Variants in CAMTA1 observed in about 807,000 individuals in gnomAD.
CAMTA1 encodes the protein calmodulin binding transcription activator 1, also known as calmodulin-binding transcription activator 1.
In CAMTA1, 27 loss-of-function variants were observed where a neutral mutation model predicts 170.9. That is an observed-to-expected ratio of 0.16 (90% confidence interval 0.12 to 0.22). CAMTA1 has a LOEUF of 0.22. Ranked by LOEUF, CAMTA1 falls within the 10% of genes least tolerant of loss-of-function variation. The probability of loss-of-function intolerance (pLI) is 1.00; values close to 1 mark genes in which losing one functional copy is unlikely to be tolerated. For missense variants in CAMTA1, 1,619 were observed against 2,217.2 expected (o/e 0.73, Z 5.42); for synonymous variants, 833 against 891.5 (o/e 0.93, Z 1.17).
At position 7,642,703 on chromosome 1, in the gene CAMTA1, G is replaced by A. The variant is rs1051313676; in HGVS notation, c.664+2150G>A. Among the ~76,000 whole-genome samples the A allele has an allele frequency of 6.6e-6, 1 of 152,154 alleles. No homozygotes were observed. The highest frequency in any genetic ancestry group is 1.5e-5 in the Non-Finnish European group (1 of 68,016). ...GTCAGGGCTGGCAAGTCAGGAGGCAGGTGCTCATCCTGGCTTCATGGCTGC... is the reference window on the plus strand; with the variant it reads ...GTCAGGGCTGGCAAGTCAGGAGGCAAGTGCTCATCCTGGCTTCATGGCTGC... On this transcript the variant is annotated intron_variant, in intron 7 of 22. Coordinates refer to ENST00000303635, the MANE Select transcript of CAMTA1 (RefSeq NM_015215.4). This position sits in a 1 kb window ranked among gnomAD's most constrained non-coding sequence, Gnocchi z 6.3.
At chr1:6,899,854 G>A (rs1483710126) in intron 3 of CAMTA1, among the ~76,000 whole-genome samples, 4 of 152,208 alleles carry the variant, frequency 2.6e-5, no homozygotes, top group Non-Finnish European at 5.9e-5. Context: ...CCTTGTTTCT[G>A]TGTACTTTAG....
intron 6 of CAMTA1, among the ~76,000 whole-genome samples, chr1:7,594,332 G>A (rs1447320641): frequency 6.6e-6 from 1 of 152,150 alleles, no homozygotes; most frequent in South Asian, 2.1e-4. Context: ...GTTCCAGACA[G>A]GGGGACCAGC....
chr1:7,197,641 C>T (rs1655789924), intron 4 of CAMTA1, among the ~76,000 whole-genome samples: 1 of 119,698 alleles, frequency 8.4e-6, no homozygotes, highest in Non-Finnish European at 1.7e-5. Context: ...CACACACACA[C>T]ACACACACAC....
intron 3 of CAMTA1, among the ~76,000 whole-genome samples, chr1:7,019,525 T>G (rs1701055733): frequency 6.6e-6 from 1 of 151,926 alleles, no homozygotes; most frequent in African/African-American, 2.4e-5. Flanking sequence ...GAGGGGCCCT[T>G]TAGCAGAACC....
chr1:7,759,059 G>A (rs2096955307), intron 22 of CAMTA1, among the ~76,000 whole-genome samples: 1 of 152,036 alleles, frequency 6.6e-6, no homozygotes, highest in Non-Finnish European at 1.5e-5. Flanking sequence ...TGAGGTGGGA[G>A]GATTGCTTGA....
chr1:6,988,800 A>G (rs963910351), intron 3 of CAMTA1, among the ~76,000 whole-genome samples: 2 of 152,330 alleles, frequency 1.3e-5, no homozygotes, highest in Non-Finnish European at 2.9e-5. Context: ...AACCAAATGC[A>G]TCTTAAATGG....
chr1:7,537,964 T>G (rs995351448), intron 6 of CAMTA1, among the ~76,000 whole-genome samples: 1 of 152,268 alleles, frequency 6.6e-6, no homozygotes. Flanking sequence ...TCTTTCCTCC[T>G]GTCTGACGTC....
chr1:6,968,122 C>G (rs1691881818), intron 3 of CAMTA1, among the ~76,000 whole-genome samples: 1 of 152,212 alleles, frequency 6.6e-6, no homozygotes, highest in Non-Finnish European at 1.5e-5. Flanking sequence ...TCATGGAACC[C>G]ACGAATTCCG....
chr1:7,499,349 T>C lies in CAMTA1; in HGVS notation c.510+31448T>C, dbSNP rs571073912. Among the ~76,000 whole-genome samples, 7 of 145,240 alleles carry C rather than the reference T, an allele frequency of 4.8e-5. No individual in the cohort carries two copies. In the East Asian group the frequency reaches 1.5e-3, roughly 31 times the overall value. ...GTGTACATGTGTGTAGAGAGGATTG[T>C]GTGAGCCTGGTGTGCGTGTGTATGT... On this transcript the variant is annotated intron_variant, in intron 6 of 22. Transcript: ENST00000303635.
rs1410156297 is a variant in CAMTA1 at position 7,114,495 on chromosome 1, A to G, written c.302+23124A>G. 2.0e-4 allele frequency among the ~76,000 whole-genome samples: 30 copies of G among 152,090 alleles called. 1 individual carries two copies. Among genetic ancestry groups the G allele is most frequent in the Admixed American group, 2.0e-3 (30 of 15,268 alleles). ...ACAAAAAAACTCATAATGTTTTAAG[A>G]AAGTTTATGAATTTGTGTTGGGCTG... On this transcript the variant is annotated intron_variant, in intron 4 of 22. Transcript: ENST00000303635.
At chr1:7,330,204 C>G (rs1248673480) in intron 5 of CAMTA1, among the ~76,000 whole-genome samples, 2 of 152,196 alleles carry the variant, frequency 1.3e-5, no homozygotes, top group Non-Finnish European at 2.9e-5. Context: ...CGTGAGATCT[C>G]TACTCCACAG....
chr1:6,848,691 C>A (rs1352295757), intron 3 of CAMTA1, among the ~76,000 whole-genome samples: 1 of 152,184 alleles, frequency 6.6e-6, no homozygotes, highest in African/African-American at 2.4e-5. Context: ...TTTCTCTACT[C>A]TGTTAGGTTC....
At chr1:7,763,359 T>C (rs2096990556) in intron 22 of CAMTA1, among the ~76,000 whole-genome samples, 1 of 152,248 alleles carries the variant, frequency 6.6e-6, no homozygotes. Flanking sequence ...AACTTTATCA[T>C]GAAGCTAAGA....
At chr1:6,800,619 C>T (rs555041270) in intron 1 of CAMTA1, among the ~76,000 whole-genome samples, 18 of 152,200 alleles carry the variant, frequency 1.2e-4, no homozygotes, top group Admixed American at 1.1e-3. Context: ...TATTTATATT[C>T]ATTTAGTTGT....
intron 11 of CAMTA1, among the ~76,000 whole-genome samples, chr1:7,704,552 C>T (rs2096484847): frequency 6.7e-6 from 1 of 148,476 alleles, no homozygotes; most frequent in Admixed American, 6.7e-5. Context: ...GGGCGCAGTT[C>T]CGGCGCAGTC....
At chr1:7,497,803 T>G (rs984641542) in intron 6 of CAMTA1, among the ~76,000 whole-genome samples, 2 of 152,196 alleles carry the variant, frequency 1.3e-5, no homozygotes, top group South Asian at 4.1e-4. Flanking sequence ...GGGGCAGCGC[T>G]AGACACCTGG....
At chr1:6,926,448 C>CTTTCTT (rs1557837802) in intron 3 of CAMTA1, among the ~76,000 whole-genome samples, 5 of 71,130 alleles carry the variant, frequency 7.0e-5, no homozygotes, top group African/African-American at 3.0e-4. Context: ...CTCTTTCTTT[C>CTTTCTT]TTTCTTTCTT....
chr1:7,336,699 A>C (rs1251237292), intron 5 of CAMTA1, among the ~76,000 whole-genome samples: 5 of 152,214 alleles, frequency 3.3e-5, no homozygotes, highest in Non-Finnish European at 4.4e-5. Context: ...CAGGGCGAGG[A>C]ACCTGGCAGG....
intron 6 of CAMTA1, among the ~76,000 whole-genome samples, chr1:7,472,306 T>C (rs1457671999): frequency 1.3e-5 from 2 of 151,942 alleles, no homozygotes; most frequent in East Asian, 3.9e-4. Context: ...GTTCTAGGAG[T>C]TGAGCTCCTT....
Sources: allele counts gnomAD v4.1 joint callset (sites outside exome capture counted in the v4.1 genomes callset), GRCh38; gene constraint gnomAD v4.1.1; non-coding constraint Gnocchi (gnomAD v3.1); transcripts MANE v1.5; gene names NCBI Gene and HGNC (gene_info 2026-07-23, HGNC 2026-07-21).